PHKB: variants seen among roughly 807,000 people sequenced by gnomAD.
PHKB encodes the protein phosphorylase b kinase regulatory subunit beta.
Under a neutral mutation model 152.1 loss-of-function variants are expected in PHKB, and 122 were observed. The observed-to-expected ratio is 0.80, with a 90% CI of 0.69 to 0.93. The LOEUF is 0.93. Among genes scored for constraint, PHKB ranks in the 40% least tolerant of loss-of-function variants. The probability of loss-of-function intolerance (pLI) is 0.00; values close to 1 mark genes in which losing one functional copy is unlikely to be tolerated. For synonymous variants in PHKB, 436 were observed against 464.9 expected, an observed-to-expected ratio of 0.94 and a Z score of 0.80; for missense variants, 1,304 against 1,328.4, an observed-to-expected ratio of 0.98 and a Z score of 0.29.
intron 8 of PHKB, among the ~76,000 whole-genome samples, chr16:47,587,061 A>C (rs1184378920): frequency 6.6e-6 from 1 of 152,170 alleles, no homozygotes; most frequent in African/African-American, 2.4e-5. Flanking sequence ...TGTTAAAGTA[A>C]GTCTTAATGT....
chr16:47,502,888 G>C (rs1395219704), intron 3 of PHKB, 103 bp from the exon 4 acceptor site: 3 of 761,170 alleles, frequency 3.9e-6, no homozygotes, highest in Admixed American at 2.0e-5. Context: ...GACATCACCA[G>C]AACACAGGAT....
chr16:47,677,670 T>A (rs933616203), intron 26 of PHKB, among the ~76,000 whole-genome samples: 3 of 152,100 alleles, frequency 2.0e-5, no homozygotes, highest in Non-Finnish European at 4.4e-5. Context: ...CATCTCCAGA[T>A]ACCATCACAC....
intron 20 of PHKB, among the ~76,000 whole-genome samples, chr16:47,651,908 G>C (rs1227490223): frequency 6.6e-6 from 1 of 152,022 alleles, no homozygotes; most frequent in South Asian, 2.1e-4. Flanking sequence ...TTATCTTGCA[G>C]TTCTTCTATT....
At chr16:47,501,196 T>G (rs1485073804) in intron 3 of PHKB, among the ~76,000 whole-genome samples, 1 of 152,220 alleles carries the variant, frequency 6.6e-6, no homozygotes, top group African/African-American at 2.4e-5. Flanking sequence ...GAAATACACC[T>G]TGTGCTAACA....
chr16:47,476,039 T>C (rs753112192), intron 1 of PHKB, among the ~76,000 whole-genome samples: 2 of 152,144 alleles, frequency 1.3e-5, no homozygotes, highest in Non-Finnish European at 2.9e-5. Flanking sequence ...AGCTAATTTT[T>C]TTTTTCTTGT....
intron 10 of PHKB, chr16:47,590,186 A>G (rs924414536): frequency 6.6e-6 from 1 of 152,174 alleles, no homozygotes; most frequent in Non-Finnish European, 1.5e-5. Flanking sequence ...AGGCAACATT[A>G]TACCTTTTAA....
chr16:47,663,134 C>G (rs1288107890), intron 23 of PHKB, among the ~76,000 whole-genome samples: 1 of 151,942 alleles, frequency 6.6e-6, no homozygotes, highest in Admixed American at 6.6e-5. Context: ...TCATTGTTTT[C>G]TTTTTGGCGC....
At chr16:47,690,447 T>C (rs931307372) in intron 27 of PHKB, among the ~76,000 whole-genome samples, 3 of 152,118 alleles carry the variant, frequency 2.0e-5, no homozygotes, top group African/African-American at 7.2e-5. Flanking sequence ...TGGCAAAAAG[T>C]AGACAACCAA....
rs112652225 is a variant in PHKB, at chr16:47,483,411, A to G, written c.77-13988A>G. On this transcript the variant is annotated intron_variant, in intron 1 of 30. Coordinates refer to ENST00000323584, the MANE Select transcript of PHKB (RefSeq NM_000293.3). ...TTTTCCCCTCCATATAATTCAGTTA[A>G]TATGGTGAACTAAGACTCTGTCATT... is the stretch of plus-strand genomic sequence containing the variant. Among the ~76,000 whole-genome samples the G allele has an allele frequency of 5.5e-4, 83 of 152,286 alleles. 2 individuals carry two copies. Among genetic ancestry groups the G allele is most frequent in the African/African-American group, 1.9e-3 (77 of 41,578 alleles).
chr16:47,478,913 C>T (rs1005771080), intron 1 of PHKB, among the ~76,000 whole-genome samples: 2 of 152,112 alleles, frequency 1.3e-5, no homozygotes, highest in Non-Finnish European at 2.9e-5. Flanking sequence ...CCAGAATAAA[C>T]AGACCAAAAT....
intron 6 of PHKB, among the ~76,000 whole-genome samples, chr16:47,516,941 G>A (rs576301196): frequency 6.6e-6 from 1 of 152,218 alleles, no homozygotes; most frequent in South Asian, 2.1e-4. Flanking sequence ...GAGGAGCTGG[G>A]AAACTCCTGT....
At chr16:47,563,201 T>A (rs1971505471) in intron 7 of PHKB, among the ~76,000 whole-genome samples, 1 of 151,138 alleles carries the variant, frequency 6.6e-6, no homozygotes, top group African/African-American at 2.4e-5. Context: ...TTTGACTTCC[T>A]CTCATGAATC....
chr16:47,685,126 A>G (rs781490927), intron 26 of PHKB, among the ~76,000 whole-genome samples: 25 of 151,494 alleles, frequency 1.7e-4, no homozygotes, highest in South Asian at 4.2e-4. Context: ...CCTATTTTGT[A>G]TTTAAATGCT....
At chr16:47,546,879 G>A (rs974281279) in intron 6 of PHKB, among the ~76,000 whole-genome samples, 1 of 152,114 alleles carries the variant, frequency 6.6e-6, no homozygotes, top group Non-Finnish European at 1.5e-5. Flanking sequence ...CTAACAGTGA[G>A]CAAGGCTCCA....
At chr16:47,643,551 T>G (rs1336047896) in intron 16 of PHKB, among the ~76,000 whole-genome samples, 1 of 152,238 alleles carries the variant, frequency 6.6e-6, no homozygotes, top group Admixed American at 6.5e-5. Context: ...AACCTTCCTG[T>G]GCATGTGTTG....
At chr16:47,636,554 C>T (rs1282885781) in intron 14 of PHKB, among the ~76,000 whole-genome samples, 2 of 152,228 alleles carry the variant, frequency 1.3e-5, no homozygotes, top group African/African-American at 4.8e-5. Context: ...CCACTCCCAG[C>T]ACCTGCAGCA....
chr16:47,628,083 A>C (rs1220918479), intron 14 of PHKB, among the ~76,000 whole-genome samples: 1 of 152,180 alleles, frequency 6.6e-6, no homozygotes, highest in East Asian at 1.9e-4. Context: ...AATGTTTCAA[A>C]TACACTGCCC....
intron 1 of PHKB, among the ~76,000 whole-genome samples, chr16:47,494,326 A>G (rs1297276800): frequency 1.3e-5 from 2 of 152,242 alleles, no homozygotes; most frequent in Non-Finnish European, 2.9e-5. Flanking sequence ...TTACAGGTGG[A>G]TTTTAAAGGA....
intron 7 of PHKB, among the ~76,000 whole-genome samples, chr16:47,554,573 TCTC>T (rs1434764448): frequency 6.8e-5 from 10 of 147,680 alleles, no homozygotes; most frequent in Non-Finnish European, 1.5e-5. Context: ...ATGAAAAAAA[TCTC>T]CTGCAGCTAG....
Sources: gnomAD v4.1 joint callset for allele counts (sites outside exome capture counted in the v4.1 genomes callset) on GRCh38, gnomAD v4.1.1 for gene constraint, MANE v1.5 for transcripts, NCBI Gene and HGNC (gene_info 2026-07-23, HGNC 2026-07-21) for gene names.